The following PRKCE variants were observed in gnomAD, a reference collection of about 807,000 sequenced individuals.
PRKCE encodes the protein protein kinase C epsilon, also known as protein kinase C epsilon type.
PRKCE carries 16 observed loss-of-function variants against 85.4 expected under a neutral mutation model. The observed-to-expected ratio is 0.19, with a 90% CI of 0.13 to 0.28. The LOEUF (loss-of-function observed/expected upper bound fraction) is 0.28. PRKCE is among the 10% of genes least tolerant of loss of function. The pLI is 1.00. For missense variants in PRKCE, 573 were observed against 975.2 expected (o/e 0.59, Z 5.49); for synonymous variants, 388 against 371.5 (o/e 1.04, Z -0.51).
intron 6 of PRKCE, among the ~76,000 whole-genome samples, chr2:46,000,422 G>T (rs1361584346): frequency 6.6e-6 from 1 of 150,658 alleles, no homozygotes; most frequent in African/African-American, 2.4e-5. Flanking sequence ...CTTGTCCCCA[G>T]ATCAGTCGGG....
In PRKCE at chr2:46,100,557, C is replaced by G. The variant is rs146386935; in HGVS notation, c.1592+14195C>G. 1.4e-4 allele frequency among the ~76,000 whole-genome samples: 22 copies of G among 152,326 alleles called. No homozygotes were observed. The East Asian group carries it at 4.2e-3, about 29-fold the overall frequency. On this transcript the variant is annotated intron_variant, in intron 11 of 14. Transcript: ENST00000306156. ...TGCCACCCCTGAGACAACACCCTCT[C>G]GGAAGTGGGGCATCTCTCATGAAGT...
At chr2:45,666,851 A>G (rs764303140) in intron 1 of PRKCE, among the ~76,000 whole-genome samples, 14 of 152,074 alleles carry the variant, frequency 9.2e-5, no homozygotes, top group Non-Finnish European at 2.1e-4. Context: ...TTAAAAACAA[A>G]TTTATTTAAG....
intron 1 of PRKCE, among the ~76,000 whole-genome samples, chr2:45,833,292 C>G (rs1404718393): frequency 2.0e-5 from 3 of 152,126 alleles, no homozygotes; most frequent in South Asian, 4.2e-4. Flanking sequence ...TCCTGAGTTC[C>G]TGACCGAGCT....
intron 10 of PRKCE, among the ~76,000 whole-genome samples, chr2:46,017,925 G>A (rs1574242734): frequency 6.6e-6 from 1 of 152,138 alleles, no homozygotes; most frequent in African/African-American, 2.4e-5. Flanking sequence ...ATGTATTTCT[G>A]TCTCCTTCTC....
intron 11 of PRKCE, among the ~76,000 whole-genome samples, chr2:46,118,407 A>C (rs930374688): frequency 9.9e-5 from 15 of 152,222 alleles, no homozygotes; most frequent in African/African-American, 3.6e-4. Flanking sequence ...AGCTTTTCCA[A>C]AGGTTTGAAA....
At position 45,721,634 on chromosome 2, in the gene PRKCE, G is replaced by A. The variant is rs147076993; in HGVS notation, c.348+69186G>A. ...CGCCTGTAATCCCAGCGACTCTGGA[G>A]GCTGAGGCTGAGGCAGAAGGATCGC... On this transcript the variant is annotated intron_variant, in intron 1 of 14. Transcript: ENST00000306156. Among the ~76,000 whole-genome samples the A allele has an allele frequency of 7.6e-3, 1,150 of 152,260 alleles. 17 individuals carry two copies. Among genetic ancestry groups the A allele is most frequent in the African/African-American group, 0.026 (1,086 of 41,542 alleles).
intron 2 of PRKCE, among the ~76,000 whole-genome samples, chr2:45,884,681 G>A (rs1422820673): frequency 1.3e-5 from 2 of 152,232 alleles, no homozygotes; most frequent in East Asian, 3.9e-4. Flanking sequence ...GCTCTTTAGA[G>A]TTCCTGGCCT....
At chr2:46,061,104 C>CTTT (rs565280374) in intron 10 of PRKCE, among the ~76,000 whole-genome samples, 118 of 103,460 alleles carry the variant, frequency 1.1e-3, no homozygotes, top group East Asian at 1.5e-3. Context: ...CTTTTTTTTC[C>CTTT]TTTTTTTTTT....
At chr2:45,744,424 TC>T (rs1682873923) in intron 1 of PRKCE, among the ~76,000 whole-genome samples, 1 of 21,592 alleles carries the variant, frequency 4.6e-5, no homozygotes, top group African/African-American at 1.7e-4. Context: ...TTTCTTTCTT[TC>T]TTTCTTTCTT....
chr2:45,851,224 T>C (rs1024429506), intron 2 of PRKCE, among the ~76,000 whole-genome samples: 1 of 152,250 alleles, frequency 6.6e-6, no homozygotes, highest in Non-Finnish European at 1.5e-5. Flanking sequence ...AAGATTCATT[T>C]GAACAGGAGA....
In PRKCE at chr2:46,096,696, A is replaced by G. The variant is rs185083530; in HGVS notation, c.1592+10334A>G. 2.5e-4 allele frequency among the ~76,000 whole-genome samples: 38 copies of G among 152,278 alleles called. 1 individual carries two copies. In the South Asian group the frequency reaches 7.0e-3, roughly 28 times the overall value. ...TAGCCTTCACAACTGCAAGAAAATA[A>G]ATTCCTGTTAAGTCGCTCAATCTGT... On this transcript the variant is annotated intron_variant, in intron 11 of 14. Coordinates refer to ENST00000306156, the MANE Select transcript of PRKCE (RefSeq NM_005400.3).
chr2:45,677,577 C>T (rs1468070507), intron 1 of PRKCE, among the ~76,000 whole-genome samples: 3 of 152,040 alleles, frequency 2.0e-5, no homozygotes, highest in African/African-American at 4.8e-5. Flanking sequence ...AGGATGGTCT[C>T]GATCTCCTGA....
intron 2 of PRKCE, among the ~76,000 whole-genome samples, chr2:45,958,190 C>CAAAAAAA (rs60711691): frequency 4.5e-5 from 5 of 110,104 alleles, no homozygotes; most frequent in Non-Finnish European, 7.3e-5. Flanking sequence ...ATTAGGCCCG[C>CAAAAAAA]AAAAAAAAAA....
intron 1 of PRKCE, among the ~76,000 whole-genome samples, chr2:45,779,408 C>T (rs532435725): frequency 5.3e-5 from 8 of 152,016 alleles, no homozygotes; most frequent in Non-Finnish European, 1.2e-4. Flanking sequence ...TAGGGATGTC[C>T]GGGGGCGAGG....
chr2:45,759,919 G>A (rs1684320580), intron 1 of PRKCE, among the ~76,000 whole-genome samples: 1 of 152,194 alleles, frequency 6.6e-6, no homozygotes, highest in African/African-American at 2.4e-5. Flanking sequence ...AGTTTCTAAT[G>A]TGTAGTTAGA....
intron 1 of PRKCE, among the ~76,000 whole-genome samples, chr2:45,785,140 T>G (rs1255784435): frequency 6.6e-6 from 1 of 152,170 alleles, no homozygotes; most frequent in Non-Finnish European, 1.5e-5. Flanking sequence ...CTATGGCCAG[T>G]GAATCTAATT....
chr2:45,766,426 ACT>A (rs1684913324), intron 1 of PRKCE, among the ~76,000 whole-genome samples: 1 of 151,848 alleles, frequency 6.6e-6, no homozygotes, highest in South Asian at 2.1e-4. Context: ...GGTTGGTTCT[ACT>A]CTCTTCTTTT....
At chr2:46,134,427 C>A (rs1220949445) in intron 11 of PRKCE, among the ~76,000 whole-genome samples, 2 of 152,206 alleles carry the variant, frequency 1.3e-5, no homozygotes, top group African/African-American at 4.8e-5. Flanking sequence ...CCACAAAGGG[C>A]CTCTCACACC....
chr2:45,838,021 G>C (rs923612807), intron 1 of PRKCE, among the ~76,000 whole-genome samples: 3 of 152,180 alleles, frequency 2.0e-5, no homozygotes, highest in East Asian at 1.9e-4. Flanking sequence ...GCCTTTTTAG[G>C]GCTTGATGTG....
Sources: allele counts gnomAD v4.1 joint callset (sites outside exome capture counted in the v4.1 genomes callset), GRCh38; gene constraint gnomAD v4.1.1; transcripts MANE v1.5; gene names NCBI Gene and HGNC (gene_info 2026-07-23, HGNC 2026-07-21).